EHMT1: variants seen among roughly 807,000 people sequenced by gnomAD.
The protein encoded by EHMT1 is histone-lysine N-methyltransferase EHMT1.
A neutral mutation model predicts 147.2 loss-of-function variants in EHMT1; 15 were observed. The observed-to-expected ratio is 0.10, with a 90% CI of 0.07 to 0.16. The LOEUF is 0.16. EHMT1 is among the 10% of genes least tolerant of loss of function. EHMT1 has a pLI of 1.00. For synonymous variants in EHMT1, 795 were observed against 709.6 expected (o/e 1.12, Z -1.91); for missense variants, 1,587 against 1,772.4 (o/e 0.90, Z 1.88).
intron 18 of EHMT1, among the ~76,000 whole-genome samples, chr9:137,806,390 C>T (rs559297236): frequency 2.1e-4 from 32 of 152,230 alleles, no homozygotes; most frequent in Non-Finnish European, 3.4e-4. Flanking sequence ...GCTGGCCTCA[C>T]TCCCTTTACC....
rs539380093 is a variant in EHMT1 at position 137,722,680 on chromosome 9, C to T, written c.642+5498C>T. ...GCAGAGACTGTGGGTGGGTGGGTGC[C>T]CCCCTGTGCCCCCGGTATGCTCTGT... On this transcript the variant is annotated intron_variant, in intron 3 of 26. Coordinates refer to ENST00000460843, the MANE Select transcript of EHMT1 (RefSeq NM_024757.5). Among the ~76,000 whole-genome samples, 16 of 151,278 alleles carry T rather than the reference C, an allele frequency of 1.1e-4. No individual in the cohort carries two copies. The East Asian group carries it at 2.2e-3, about 20-fold the overall frequency.
In EHMT1 at chr9:137,778,017, A is replaced by C. The variant is rs770496943; in HGVS notation, c.2154A>C (p.Glu718Asp). 1.2e-6 allele frequency: 2 copies of C among 1,613,682 alleles called. No individual in the cohort carries two copies. The highest frequency in any genetic ancestry group is 2.7e-5 in the African/African-American group (2 of 74,878). Residue 718 changes from glutamate to aspartate, a missense_variant, in exon 13 of 27, where the codon GAA becomes GAC. Physicochemically the swap from Glu to Asp is conservative, Grantham distance 45 (BLOSUM62 2). Around this residue, in one of 7 missense-constraint regions of EHMT1, gnomAD observed 201 missense variants for 350.1 expected, o/e 0.57. Coordinates refer to ENST00000460843, the MANE Select transcript of EHMT1 (RefSeq NM_024757.5). The stretch of plus-strand genomic sequence containing the variant: ...GCCTTTCCCAGGGACCAGGGAAGGA[A>C]ACCTTGGAGAGCGCTCTCATCGCCC... ...TPGLSQGPGK[E>D]TLESALIALD...
chr9:137,794,926 G>A (rs1038006660), intron 16 of EHMT1, among the ~76,000 whole-genome samples: 6 of 152,176 alleles, frequency 3.9e-5, no homozygotes, highest in Non-Finnish European at 8.8e-5. Context: ...AGCGCGTTGG[G>A]AATGAATGAG....
At chr9:137,740,166 G>A (rs1275515854) in intron 4 of EHMT1, among the ~76,000 whole-genome samples, 2 of 152,122 alleles carry the variant, frequency 1.3e-5, no homozygotes, top group Non-Finnish European at 2.9e-5. Context: ...GAGCAGCTGG[G>A]CAGTGCCCAC....
intron 10 of EHMT1, among the ~76,000 whole-genome samples, chr9:137,768,420 C>T (rs1232945603): frequency 7.5e-6 from 1 of 133,910 alleles, no homozygotes; most frequent in Admixed American, 8.4e-5. Flanking sequence ...GTGGCAGGAT[C>T]TCGGCTCACT....
chr9:137,715,821 C>T (rs1371181694), intron 2 of EHMT1: 1 of 985,318 alleles, frequency 1.0e-6, no homozygotes, highest in Non-Finnish European at 1.2e-6. Context: ...TCTTCTGAAG[C>T]CTTGTTTTCT....
intron 18 of EHMT1, chr9:137,803,191 A>T: frequency 8.3e-7 from 1 of 1,200,930 alleles, no homozygotes; most frequent in East Asian, 3.4e-5. Flanking sequence ...CAAGTTTGTT[A>T]TTTATACAAT....
At chr9:137,823,256 G>A (rs1055442173) in intron 25 of EHMT1, among the ~76,000 whole-genome samples, 2 of 151,390 alleles carry the variant, frequency 1.3e-5, no homozygotes, top group African/African-American at 4.9e-5. Context: ...CCACCACCAC[G>A]CCCAGCTAAT....
intron 1 of EHMT1, among the ~76,000 whole-genome samples, chr9:137,642,411 T>A (rs1429299146): frequency 1.3e-5 from 2 of 152,064 alleles, no homozygotes; most frequent in Non-Finnish European, 2.9e-5. Context: ...GCTCACAGGA[T>A]CCTCCCACCT....
At chr9:137,647,481 T>G (rs78080270) in intron 1 of EHMT1, among the ~76,000 whole-genome samples, 10 of 152,072 alleles carry the variant, frequency 6.6e-5, no homozygotes, top group East Asian at 5.8e-4. Flanking sequence ...GGTCCCAGCT[T>G]CTTCTCCCTG....
chr9:137,719,739 G>T (rs1945743288), intron 3 of EHMT1, among the ~76,000 whole-genome samples: 1 of 152,166 alleles, frequency 6.6e-6, no homozygotes, highest in South Asian at 2.1e-4. Context: ...CATCACCTGT[G>T]TGCACGTGCA....
intron 1 of EHMT1, among the ~76,000 whole-genome samples, chr9:137,636,706 C>G (rs147666716): frequency 6.6e-6 from 1 of 152,058 alleles, no homozygotes; most frequent in Admixed American, 6.6e-5. Context: ...TTCATATGCT[C>G]AACCAGCCCT....
chr9:137,776,393 A>C lies in EHMT1; in HGVS notation c.1792-225A>C, dbSNP rs186748720. The C allele has an allele frequency of 4.3e-4, 209 of 491,032 alleles. 2 individuals are homozygous for C. The Admixed American group carries it at 6.6e-3, about 15-fold the overall frequency. The allele number at this position is 491,032 out of a possible 1,614,324, so 30.4% of individuals were successfully genotyped here. A position where few individuals can be genotyped will look rare whatever the true frequency, so the allele number is the denominator to read the frequency against. The stretch of plus-strand genomic sequence containing the variant: ...TAGGTGGGTTGGAGGCAGCCAAGTG[A>C]CCTCTGTCTGGCTTCAGCTTCTTCT... On this transcript the variant is annotated intron_variant, in intron 11 of 26. Transcript: ENST00000460843. The surrounding 1 kb of genome is among the most constrained non-coding windows in gnomAD (Gnocchi z 4.4).
intron 1 of EHMT1, among the ~76,000 whole-genome samples, chr9:137,621,178 C>T (rs1052412566): frequency 6.6e-6 from 1 of 152,146 alleles, no homozygotes; most frequent in Admixed American, 6.6e-5. Context: ...GGTTTATCAT[C>T]AAGGTGTATG....
intron 15 of EHMT1, chr9:137,784,051 A>G (rs1471211257): frequency 1.3e-5 from 11 of 844,580 alleles, no homozygotes; most frequent in African/African-American, 3.4e-5. Flanking sequence ...CTCTAGCTAT[A>G]AGAGAATACT....
chr9:137,717,265 G>A, intron 3 of EHMT1, 83 bp downstream of exon 3: 1 of 1,528,926 alleles, frequency 6.5e-7, no homozygotes, highest in Middle Eastern at 2.3e-4. Context: ...GTGCATTGAG[G>A]AGAAGCCAGT....
intron 25 of EHMT1, among the ~76,000 whole-genome samples, chr9:137,821,169 C>T (rs1169876239): frequency 6.6e-6 from 1 of 152,134 alleles, no homozygotes; most frequent in Non-Finnish European, 1.5e-5. Context: ...AGCCACTGTG[C>T]CTGGCTGCGC....
At chr9:137,800,785 C>G in intron 17 of EHMT1, 95 bp from the exon 18 acceptor site, 1 of 1,049,732 alleles carries the variant, frequency 9.5e-7, no homozygotes, top group South Asian at 1.3e-5. Context: ...GGGCATGGTA[C>G]CTGGGAGGTG....
chr9:137,758,060 C>T (rs762947158), intron 9 of EHMT1, 49 bp downstream of exon 9: 2 of 1,612,868 alleles, frequency 1.2e-6, no homozygotes, highest in African/African-American at 2.7e-5. Context: ...GGTCCTTTGT[C>T]TTCTGGGCTC....
Sources: gnomAD v4.1 joint callset for allele counts (sites outside exome capture counted in the v4.1 genomes callset) on GRCh38, gnomAD v4.1.1 for gene constraint, gnomAD v4.1.1 regional missense constraint, Gnocchi (gnomAD v3.1) non-coding constraint, MANE v1.5 for transcripts, NCBI Gene and HGNC (gene_info 2026-07-23, HGNC 2026-07-21) for gene names.